ADGB: variants seen among roughly 807,000 people sequenced by gnomAD.
The protein encoded by ADGB is calpain-7-like protein.
A neutral mutation model predicts 210.5 loss-of-function variants in ADGB; 172 were observed. The ratio of observed to expected loss-of-function variants is 0.82; its 90% CI spans 0.72 to 0.93. ADGB has a LOEUF of 0.93. ADGB is among the 40% of genes least tolerant of loss of function. ADGB has a pLI of 0.00. For missense variants in ADGB, 2,025 were observed against 1,964.8 expected (o/e 1.03, Z -0.58); for synonymous variants, 658 against 662.7 (o/e 0.99, Z 0.11).
intron 35 of ADGB, among the ~76,000 whole-genome samples, chr6:146,811,430 T>C (rs1317438778): frequency 1.9e-5 from 2 of 105,084 alleles, no homozygotes; most frequent in Non-Finnish European, 3.8e-5. Context: ...TGTATGTGTG[T>C]CTTTGTGTGT....
chr6:146,616,872 G>C (rs537166469), intron 1 of ADGB, among the ~76,000 whole-genome samples: 61 of 152,228 alleles, frequency 4.0e-4, no homozygotes, highest in African/African-American at 1.5e-3. Flanking sequence ...TTGAAGTCAA[G>C]TAGTGTGATG....
intron 1 of ADGB, among the ~76,000 whole-genome samples, chr6:146,610,605 G>T (rs527308178): frequency 1.3e-5 from 2 of 152,214 alleles, no homozygotes; most frequent in African/African-American, 4.8e-5. Context: ...TGATTTCAGG[G>T]GGACATGGCT....
intron 7 of ADGB, among the ~76,000 whole-genome samples, chr6:146,670,568 G>C (rs1204668286): frequency 6.6e-6 from 1 of 152,124 alleles, no homozygotes; most frequent in Non-Finnish European, 1.5e-5. Context: ...GCCTAGTTGA[G>C]CATCCAATCT....
intron 2 of ADGB, among the ~76,000 whole-genome samples, chr6:146,641,829 C>T (rs1775519364): frequency 6.6e-6 from 1 of 152,024 alleles, no homozygotes; most frequent in Non-Finnish European, 1.5e-5. Context: ...CAATACCATC[C>T]TGGACATAGA....
chr6:146,805,534 C>T (rs548734121), intron 35 of ADGB, among the ~76,000 whole-genome samples: 2 of 152,298 alleles, frequency 1.3e-5, no homozygotes, highest in South Asian at 2.1e-4. Flanking sequence ...CTTTACATTT[C>T]ATTAAGAAAT....
chr6:146,728,177 G>A (rs572160497), intron 19 of ADGB, among the ~76,000 whole-genome samples: 70 of 152,150 alleles, frequency 4.6e-4, no homozygotes, highest in African/African-American at 1.7e-3. Flanking sequence ...GCAGGAGAGA[G>A]CCACCAGCCC....
rs115368260 is a variant in ADGB, at chr6:146,790,806, C to T, written c.4537+2196C>T. On this transcript the variant is annotated intron_variant, in intron 33 of 35. Coordinates refer to ENST00000397944, the MANE Select transcript of ADGB (RefSeq NM_024694.4). ...GGCTTGTAATAATTCCCAGTACCACCAAAGTGTACCTGAGTTCCCTTTTAT... is the reference window on the plus strand; with the variant it reads ...GGCTTGTAATAATTCCCAGTACCACTAAAGTGTACCTGAGTTCCCTTTTAT... Among the ~76,000 whole-genome samples, 865 of 152,288 alleles carry T rather than the reference C, an allele frequency of 5.7e-3. 3 individuals carry two copies. The highest frequency in any genetic ancestry group is 0.019 in the African/African-American group (809 of 41,554).
At chr6:146,785,181 G>GC (rs1200227340) in intron 31 of ADGB, among the ~76,000 whole-genome samples, 3 of 152,084 alleles carry the variant, frequency 2.0e-5, no homozygotes, top group Non-Finnish European at 4.4e-5. Flanking sequence ...ACCATGTGCT[G>GC]CCCCCTTGTG....
intron 34 of ADGB, 100 bp from the exon 35 acceptor site, chr6:146,801,728 C>A: frequency 2.9e-6 from 3 of 1,028,472 alleles, no homozygotes; most frequent in South Asian, 2.0e-5. Flanking sequence ...CTCAGACCAC[C>A]ACACTGTTGA....
intron 33 of ADGB, among the ~76,000 whole-genome samples, chr6:146,789,768 G>A (rs574723285): frequency 1.1e-4 from 16 of 152,166 alleles, no homozygotes; most frequent in Non-Finnish European, 1.9e-4. Context: ...GAGATTCCAG[G>A]AATTAGAGAA....
chr6:146,610,332 T>C (rs574652205), intron 1 of ADGB, among the ~76,000 whole-genome samples: 1 of 152,346 alleles, frequency 6.6e-6, no homozygotes, highest in East Asian at 1.9e-4. Context: ...CTGAATTCTA[T>C]GTCTGTCATT....
At chr6:146,775,090 A>G (rs1777702810) in intron 29 of ADGB, among the ~76,000 whole-genome samples, 1 of 152,140 alleles carries the variant, frequency 6.6e-6, no homozygotes. Context: ...CTTTTAAAAT[A>G]TAAAATTTTA....
chr6:146,803,515 A>G, intron 35 of ADGB: 1 of 1,598,494 alleles, frequency 6.3e-7, no homozygotes, highest in African/African-American at 1.4e-5. Context: ...CACTTTACGA[A>G]GTTTATCTGG....
chr6:146,717,819 G>A (rs1470788661), intron 16 of ADGB, among the ~76,000 whole-genome samples: 1 of 152,070 alleles, frequency 6.6e-6, no homozygotes, highest in Non-Finnish European at 1.5e-5. Flanking sequence ...GTTGAATCCT[G>A]GCCTGAATTA....
chr6:146,756,096 A>G (rs930169139), intron 27 of ADGB, among the ~76,000 whole-genome samples: 1 of 152,042 alleles, frequency 6.6e-6, no homozygotes, highest in African/African-American at 2.4e-5. Context: ...GCAACAGATC[A>G]CTGCAAATTG....
chr6:146,749,595 A>G (rs929983718), intron 26 of ADGB, among the ~76,000 whole-genome samples: 4 of 152,110 alleles, frequency 2.6e-5, no homozygotes, highest in African/African-American at 9.7e-5. Flanking sequence ...ATGGTGACAA[A>G]CTCCTTGAAA....
intron 1 of ADGB, among the ~76,000 whole-genome samples, chr6:146,625,754 A>T (rs550260577): frequency 1.0e-3 from 154 of 152,100 alleles, no homozygotes; most frequent in Non-Finnish European, 1.9e-3. Flanking sequence ...TATACAGCCT[A>T]CAGAACCATT....
intron 13 of ADGB, 31 bp downstream of exon 13, chr6:146,701,101 C>T: frequency 1.9e-6 from 3 of 1,544,500 alleles, no homozygotes; most frequent in Non-Finnish European, 2.6e-6. Flanking sequence ...GTTGGCCCAA[C>T]TCTTAATGAG....
intron 29 of ADGB, among the ~76,000 whole-genome samples, chr6:146,771,146 C>T (rs1046890416): frequency 1.3e-5 from 2 of 152,032 alleles, no homozygotes; most frequent in Admixed American, 1.3e-4. Context: ...TGTTGATTCC[C>T]TTGTTGTGGT....
Sources: gnomAD v4.1 joint callset for allele counts (sites outside exome capture counted in the v4.1 genomes callset) on GRCh38, gnomAD v4.1.1 for gene constraint, MANE v1.5 for transcripts, NCBI Gene and HGNC (gene_info 2026-07-23, HGNC 2026-07-21) for gene names.